The following HMGCLL1 variants were observed in gnomAD, a reference collection of about 807,000 sequenced individuals.
HMGCLL1 encodes 3-hydroxymethyl-3-methylglutaryl-CoA lyase, cytoplasmic.
HMGCLL1 carries 36 observed loss-of-function variants against 39.1 expected under a neutral mutation model. That is an observed-to-expected ratio of 0.92 (90% CI 0.71 to 1.22). The LOEUF is 1.22. Among genes scored for constraint, HMGCLL1 ranks in the 50% most tolerant of loss-of-function variants. The pLI is 0.00. For synonymous variants in HMGCLL1, 149 were observed against 144.0 expected, an observed-to-expected ratio of 1.03 and a Z score of -0.25; for missense variants, 451 against 416.5, an observed-to-expected ratio of 1.08 and a Z score of -0.72.
chr6:55,633,875 G>GA, the HMGCLL1 span, among the ~76,000 whole-genome samples: 1 of 151,982 alleles, frequency 6.6e-6, no homozygotes, highest in Non-Finnish European at 1.5e-5. Context: ...CAAAAGTGCC[G>GA]AAAAATTGTT....
the HMGCLL1 span, among the ~76,000 whole-genome samples, chr6:55,640,575 T>C: frequency 6.6e-6 from 1 of 151,784 alleles, no homozygotes; most frequent in Non-Finnish European, 1.5e-5. Context: ...TCACTAGCAC[T>C]ATAATGAGGT....
At chr6:55,655,457 G>A in the HMGCLL1 span, among the ~76,000 whole-genome samples, 19 of 151,220 alleles carry the variant, frequency 1.3e-4, no homozygotes, top group Admixed American at 7.9e-4. Flanking sequence ...TCCCATCAAC[G>A]TTTAAATATG....
intron 3 of HMGCLL1, among the ~76,000 whole-genome samples, chr6:55,525,132 T>A (rs1768250945): frequency 6.6e-6 from 1 of 151,802 alleles, no homozygotes; most frequent in Non-Finnish European, 1.5e-5. Context: ...AGCATAAATC[T>A]TTCCCTTACT....
chr6:55,650,533 T>C, the HMGCLL1 span, among the ~76,000 whole-genome samples: 4 of 151,942 alleles, frequency 2.6e-5, no homozygotes. Flanking sequence ...GCAAGCAACC[T>C]TGTGGCCACC....
chr6:55,539,347 C>A (rs1224159536), intron 3 of HMGCLL1, among the ~76,000 whole-genome samples: 1 of 152,034 alleles, frequency 6.6e-6, no homozygotes, highest in African/African-American at 2.4e-5. Flanking sequence ...GGGTATATAA[C>A]CAAAGGAATA....
intron 8 of HMGCLL1, among the ~76,000 whole-genome samples, chr6:55,438,207 T>C (rs1456779943): frequency 1.3e-5 from 2 of 152,116 alleles, no homozygotes; most frequent in African/African-American, 4.8e-5. Flanking sequence ...TAAGATACGA[T>C]GTAAATGAAA....
chr6:55,649,094 A>G, the HMGCLL1 span, among the ~76,000 whole-genome samples: 2 of 152,086 alleles, frequency 1.3e-5, no homozygotes, highest in Non-Finnish European at 2.9e-5. Flanking sequence ...TAGTCCTTCT[A>G]CTTAAGTCAA....
rs576875741 is a variant in HMGCLL1 at position 55,548,075 on chromosome 6, T to C, written c.109-5935A>G. Reference sequence around the variant, plus strand: ...TTTAATAAAAATTTATTTGTAACCATGCAAAAATAAGTTTGTAATGTACTA... The same window carrying C: ...TTTAATAAAAATTTATTTGTAACCACGCAAAAATAAGTTTGTAATGTACTA... On this transcript the variant is annotated intron_variant, in intron 1 of 8. Transcript: ENST00000274901. Among the ~76,000 whole-genome samples the C allele has an allele frequency of 2.8e-4, 42 of 152,130 alleles. 1 individual carries two copies. The highest frequency in any genetic ancestry group is 9.9e-4 in the African/African-American group (41 of 41,572).
At chr6:55,544,996 A>G (rs1769878841) in intron 1 of HMGCLL1, among the ~76,000 whole-genome samples, 1 of 152,058 alleles carries the variant, frequency 6.6e-6, no homozygotes, top group Admixed American at 6.6e-5. Flanking sequence ...AATAAAATAT[A>G]TGACATGGGA....
intron 3 of HMGCLL1, among the ~76,000 whole-genome samples, chr6:55,525,428 T>C (rs982542723): frequency 2.6e-5 from 4 of 152,024 alleles, no homozygotes; most frequent in Non-Finnish European, 5.9e-5. Flanking sequence ...ATTTTGAGCA[T>C]GCTTTCGTAT....
intron 1 of HMGCLL1, among the ~76,000 whole-genome samples, chr6:55,544,020 T>C (rs1319875119): frequency 6.6e-6 from 1 of 152,158 alleles, no homozygotes; most frequent in Non-Finnish European, 1.5e-5. Flanking sequence ...GACAATTTGC[T>C]GCTTATTTTT....
At chr6:55,573,529 T>C (rs1771621500) in intron 1 of HMGCLL1, among the ~76,000 whole-genome samples, 1 of 151,932 alleles carries the variant, frequency 6.6e-6, no homozygotes, top group African/African-American at 2.4e-5. Flanking sequence ...TAACTCAAAA[T>C]ATAATAACTG....
the HMGCLL1 span, among the ~76,000 whole-genome samples, chr6:55,652,134 G>A: frequency 2.0e-5 from 3 of 152,024 alleles, no homozygotes; most frequent in South Asian, 2.1e-4. Flanking sequence ...CCGTGGTCAC[G>A]GGGAGGGGAG....
chr6:55,516,459 A>G, intron 4 of HMGCLL1, 49 bp downstream of exon 4: 1 of 1,203,024 alleles, frequency 8.3e-7, no homozygotes, highest in Non-Finnish European at 1.2e-6. Flanking sequence ...AAATATCTTT[A>G]AAACGATAAG....
chr6:55,577,019 T>TCGGTG, intron 1 of HMGCLL1: 1 of 1,597,480 alleles, frequency 6.3e-7, no homozygotes, highest in East Asian at 2.3e-5. Flanking sequence ...GAGTGTAGAT[T>TCGGTG]GTCACTCAAA....
chr6:55,667,184 C>G, the HMGCLL1 span, among the ~76,000 whole-genome samples: 3 of 151,732 alleles, frequency 2.0e-5, no homozygotes, highest in Admixed American at 2.0e-4. Context: ...TTATGAATCA[C>G]TTGCAAAGAG....
At chr6:55,516,716 ATCTG>A in intron 3 of HMGCLL1, 113 bp from the exon 4 acceptor site, 1 of 556,244 alleles carries the variant, frequency 1.8e-6, no homozygotes, top group Non-Finnish European at 3.1e-6. Context: ...TTAAATTAAT[ATCTG>A]AAATAAAAAA....
chr6:55,653,071 G>T, the HMGCLL1 span, among the ~76,000 whole-genome samples: 1 of 152,004 alleles, frequency 6.6e-6, no homozygotes, highest in Admixed American at 6.6e-5. Flanking sequence ...TGTTTATAGG[G>T]AAATAATGAA....
At chr6:55,663,132 C>T in the HMGCLL1 span, among the ~76,000 whole-genome samples, 1 of 151,258 alleles carries the variant, frequency 6.6e-6, no homozygotes, top group Admixed American at 6.6e-5. Context: ...AAAACATACT[C>T]CTGAACTCAT....
Sources: allele counts gnomAD v4.1 joint callset (sites outside exome capture counted in the v4.1 genomes callset), GRCh38; gene constraint gnomAD v4.1.1; transcripts MANE v1.5; gene names NCBI Gene and HGNC (gene_info 2026-07-23, HGNC 2026-07-21).